Variants in ZNF611 observed in about 807,000 individuals in gnomAD.
ZNF611 encodes zinc finger protein 611.
A neutral mutation model predicts 8.9 loss-of-function variants in ZNF611; 6 were observed. The observed-to-expected ratio is 0.68, with a 90% CI of 0.37 to 1.34. The LOEUF (loss-of-function observed/expected upper bound fraction) is 1.34, where lower values mean the gene tolerates loss of function less well. Ranked by LOEUF, ZNF611 falls within the 40% of genes most tolerant of loss-of-function variation. The pLI is 0.02. For synonymous variants in ZNF611, 262 were observed against 279.7 expected, an observed-to-expected ratio of 0.94 and a Z score of 0.63; for missense variants, 874 against 841.3, an observed-to-expected ratio of 1.04 and a Z score of -0.48.
intron 1 of ZNF611, among the ~76,000 whole-genome samples, chr19:52,734,149 A>G (rs1600341707): frequency 1.4e-5 from 2 of 145,000 alleles, no homozygotes; most frequent in Non-Finnish European, 3.0e-5. Flanking sequence ...GCCTTTCTCT[A>G]CATTTCTCCG....
At chr19:52,731,052 C>T (rs1178939041) in intron 1 of ZNF611, among the ~76,000 whole-genome samples, 7 of 151,928 alleles carry the variant, frequency 4.6e-5, no homozygotes, top group Non-Finnish European at 7.4e-5. Context: ...CATGCCACCA[C>T]CCCTGGCTAT....
At chr19:52,728,388 A>G (rs1354072974) in intron 3 of ZNF611, among the ~76,000 whole-genome samples, 1 of 152,140 alleles carries the variant, frequency 6.6e-6, no homozygotes, top group Admixed American at 6.5e-5. Flanking sequence ...AACTATAAAA[A>G]TCAGCCAGGC....
rs2062226000 is a variant in ZNF611 at position 52,704,538 on chromosome 19, A to G, written c.*399T>C. On this transcript the variant is annotated 3_prime_UTR_variant, in exon 6 of 6. Transcript: ENST00000652185. ...GACATTTGTAAGGTTTCTCTCCAGT[A>G]TGAGTTCACCGATGACCTGCAATAT... The G allele has an allele frequency of 4.8e-6, 6 of 1,247,986 alleles. No individual in the cohort carries two copies. Among genetic ancestry groups the G allele is most frequent in the Non-Finnish European group, 7.0e-6 (6 of 860,450 alleles). 77.3% of individuals were successfully genotyped at this position (1,247,986 alleles called of 1,614,324 possible). A position where few individuals can be genotyped will look rare whatever the true frequency, so the allele number is the denominator to read the frequency against.
chr19:52,731,885 C>T (rs945204234), intron 1 of ZNF611, among the ~76,000 whole-genome samples: 4 of 151,376 alleles, frequency 2.6e-5, no homozygotes, highest in Admixed American at 6.6e-5. Flanking sequence ...GCAGTAGAAT[C>T]GCTTGATGCT....
At chr19:52,721,632 C>G (rs974207354) in intron 3 of ZNF611, among the ~76,000 whole-genome samples, 1 of 150,924 alleles carries the variant, frequency 6.6e-6, no homozygotes, top group Non-Finnish European at 1.5e-5. Context: ...CACGGCAGTA[C>G]TGTCCAGCCT....
At position 52,705,389 on chromosome 19, in the gene ZNF611, G is replaced by C. The variant is rs2062233870; in HGVS notation, c.1666C>G (p.His556Asp). ...AFACHSYLAK[H>D]TRIHSGEKPY... The stretch of plus-strand genomic sequence containing the variant: ...TTCTCTCCACTATGAATTCTAGTAT[G>C]TTTTGCCAGATAGGAATGACACGCA... The change falls in exon 6 of 6, where the codon CAT (histidine) becomes GAT (aspartate). Residue 556 changes from histidine to aspartate, a missense_variant. Physicochemically the swap from His to Asp is moderately conservative, Grantham distance 81. Coordinates refer to ENST00000652185, the MANE Select transcript of ZNF611 (RefSeq NM_001161499.2). 1 of 1,614,114 alleles carries C rather than the reference G, an allele frequency of 6.2e-7. No homozygotes were observed. Among genetic ancestry groups the C allele is most frequent in the East Asian group, 2.2e-5 (1 of 44,856 alleles).
At chr19:52,728,539 CGAGAAAGAAAAGAAAA>C (rs2062406107) in intron 3 of ZNF611, among the ~76,000 whole-genome samples, 175 bp downstream of exon 3, 1 of 150,276 alleles carries the variant, frequency 6.7e-6, no homozygotes. Context: ...ACTCCATGTC[CGAGAAAGAAAAGAAAA>C]GAGAAAGAAA....
Position 52,724,032 on chromosome 19 carries a change from C to G in ZNF611, c.-20+4698G>C, listed in dbSNP as rs371005035. On this transcript the variant is annotated intron_variant, in intron 3 of 5. Transcript: ENST00000652185. The stretch of plus-strand genomic sequence containing the variant: ...GATTGGGTTTTACACCAAGATATTC[C>G]ATTCCCAGGGAGGAGCAGGAGACAG... 5 of 152,496 alleles carry G rather than the reference C, an allele frequency of 3.3e-5. No homozygotes were observed. The East Asian group carries it at 5.8e-4, about 18-fold the overall frequency. 9.4% of individuals were successfully genotyped at this position (152,496 alleles called of 1,614,324 possible). A position where few individuals can be genotyped will look rare whatever the true frequency, so the allele number is the denominator to read the frequency against.
chr19:52,730,510 G>A (rs751519398), intron 1 of ZNF611, among the ~76,000 whole-genome samples: 1 of 151,960 alleles, frequency 6.6e-6, no homozygotes, highest in Non-Finnish European at 1.5e-5. Context: ...CCTGCAGATG[G>A]GGCCTGTGAG....
intron 1 of ZNF611, among the ~76,000 whole-genome samples, chr19:52,733,922 T>A (rs923165589): frequency 1.6e-4 from 24 of 149,872 alleles, no homozygotes; most frequent in African/African-American, 5.7e-4. Flanking sequence ...AAATTCCATC[T>A]TCCCCGATAT....
In ZNF611 at chr19:52,703,277, T is replaced by G. The variant is rs1206623637; in HGVS notation, c.*1660A>C. 1 of 152,012 alleles carries G rather than the reference T, an allele frequency of 6.6e-6. No homozygotes were observed. Among genetic ancestry groups the G allele is most frequent in the African/African-American group, 2.4e-5 (1 of 41,408 alleles). 9.4% of individuals were successfully genotyped at this position (152,012 alleles called of 1,614,324 possible). On this transcript the variant is annotated 3_prime_UTR_variant, in exon 6 of 6. Coordinates refer to ENST00000652185, the MANE Select transcript of ZNF611 (RefSeq NM_001161499.2). Reference sequence around the variant, plus strand: ...AGAAGAAAAGCATTTTTGAGGTCTTTTTTTGTTATTTTTTGTTTGTTTGAG... The same window carrying G: ...AGAAGAAAAGCATTTTTGAGGTCTTGTTTTGTTATTTTTTGTTTGTTTGAG...
In ZNF611 at chr19:52,706,280, ATTGT is replaced by A. The variant is rs780663474; in HGVS notation, c.771_774del (p.Lys257AsnfsTer55). On this transcript the variant is annotated frameshift_variant, in exon 6 of 6. Coordinates refer to ENST00000652185, the MANE Select transcript of ZNF611 (RefSeq NM_001161499.2). LOFTEE classifies it low-confidence loss of function (END_TRUNC). ...AGCTTGCCACATACATCACATTTAT[ATTGT>A]TTGTCTCCTAAATGGGGTATCTGGT... 2 of 1,614,162 alleles carry A rather than the reference ATTGT, an allele frequency of 1.2e-6. No homozygotes were observed. The highest frequency in any genetic ancestry group is 1.7e-6 in the Non-Finnish European group (2 of 1,180,028).
rs777479739 is a variant in ZNF611, at chr19:52,705,658, C to A, written c.1397G>T (p.Ser466Ile). 3.1e-6 allele frequency: 5 copies of A among 1,612,536 alleles called. No individual in the cohort carries two copies. The Admixed American group carries it at 8.3e-5, about 27-fold the overall frequency. Reference protein sequence around the residue: ...CKVCDKAFVWSSQLAKHTRID... With the variant: ...CKVCDKAFVWISQLAKHTRID... ...TCTAGTATGTTTTGCCAGTTGTGAA[C>A]TCCACACAAAAGCCTTGTCACAAAC... The change falls in exon 6 of 6, where the codon AGT becomes ATT. Residue 466 changes from serine to isoleucine, a missense_variant. Transcript: ENST00000652185.
rs766024867 is a variant in ZNF611, at chr19:52,706,462, C to G, written c.593G>C (p.Cys198Ser). Residue 198 changes from cysteine (C) to serine (S), a missense_variant, in exon 6 of 6, where the codon TGT (cysteine) becomes TCT (serine). Physicochemically the swap from Cys to Ser is moderately radical, Grantham distance 112. Coordinates refer to ENST00000652185, the MANE Select transcript of ZNF611 (RefSeq NM_001161499.2). ...ATTAGAAATCTGGGTTTGGGGCCTACAGGAAATTCTTTGGAATGTTGAAAC... is the reference window on the plus strand; with the variant it reads ...ATTAGAAATCTGGGTTTGGGGCCTAGAGGAAATTCTTTGGAATGTTGAAAC... ...PSVSTFQRISCRPQTQISNNY... is the reference protein window; with the variant it reads ...PSVSTFQRISSRPQTQISNNY... 8 of 1,614,010 alleles carry G rather than the reference C, an allele frequency of 5.0e-6. No individual in the cohort carries two copies. The highest frequency in any genetic ancestry group is 5.9e-6 in the Non-Finnish European group (7 of 1,180,030).
intron 1 of ZNF611, among the ~76,000 whole-genome samples, chr19:52,732,237 T>G (rs2062430206): frequency 6.6e-6 from 1 of 151,902 alleles, no homozygotes; most frequent in South Asian, 2.1e-4. Flanking sequence ...GCCACTGCAC[T>G]CCAGCCTGGG....
chr19:52,721,683 G>A (rs912774506), intron 3 of ZNF611, among the ~76,000 whole-genome samples: 3 of 151,960 alleles, frequency 2.0e-5, no homozygotes, highest in African/African-American at 4.8e-5. Context: ...AGGGGAAAGG[G>A]AGAGAGGGAG....
intron 3 of ZNF611, among the ~76,000 whole-genome samples, chr19:52,725,788 T>G (rs1339915299): frequency 3.3e-5 from 5 of 152,040 alleles, no homozygotes; most frequent in East Asian, 3.9e-4. Context: ...CAGAAGCCAG[T>G]CCCGGGTGGG....
intron 5 of ZNF611, among the ~76,000 whole-genome samples, chr19:52,710,580 G>C (rs1437016164): frequency 6.6e-6 from 1 of 152,060 alleles, no homozygotes; most frequent in Non-Finnish European, 1.5e-5. Context: ...TGCCCGACTG[G>C]TCTCAAACTC....
At chr19:52,721,417 G>A (rs980620872) in intron 3 of ZNF611, 5 of 168,544 alleles carry the variant, frequency 3.0e-5, no homozygotes, top group East Asian at 1.8e-4. Flanking sequence ...GCAAGACTCC[G>A]TCTGCAATCC....
Sources: allele counts gnomAD v4.1 joint callset (sites outside exome capture counted in the v4.1 genomes callset), GRCh38; gene constraint gnomAD v4.1.1; transcripts MANE v1.5; gene names NCBI Gene and HGNC (gene_info 2026-07-23, HGNC 2026-07-21).